SNTG1: variants seen among roughly 807,000 people sequenced by gnomAD.
The protein encoded by SNTG1 is syntrophin gamma 1.
In SNTG1, 39 loss-of-function variants were observed where a neutral mutation model predicts 74.7. That is an observed-to-expected ratio of 0.52 (90% CI 0.40 to 0.68). The LOEUF is 0.68. Ranked by LOEUF, SNTG1 falls within the 30% of genes least tolerant of loss-of-function variation. The pLI is 0.00. For synonymous variants in SNTG1, 254 were observed against 217.1 expected (o/e 1.17, Z -1.49); for missense variants, 685 against 609.5 (o/e 1.12, Z -1.30).
chr8:50,545,389 C>T (rs888444704), intron 11 of SNTG1, among the ~76,000 whole-genome samples: 11 of 150,644 alleles, frequency 7.3e-5, no homozygotes, highest in Non-Finnish European at 1.5e-5. Flanking sequence ...TTAAAATTGG[C>T]TGGTCTTTTA....
intron 2 of SNTG1, among the ~76,000 whole-genome samples, chr8:50,386,163 T>C (rs1434708290): frequency 6.6e-6 from 1 of 152,122 alleles, no homozygotes; most frequent in Non-Finnish European, 1.5e-5. Flanking sequence ...TCAATTCTAA[T>C]TACACACTCA....
rs145685246 is a variant in SNTG1, at chr8:50,450,716, G to T, written c.350G>T (p.Arg117Ile). The change falls in exon 8 of 19, where the codon AGA becomes ATA. Residue 117 changes from arginine to isoleucine, a missense_variant. Coordinates refer to ENST00000642720, the MANE Select transcript of SNTG1 (RefSeq NM_018967.5). ...QINGINVRKCRHEEVVQVLRN... is the reference protein window; with the variant it reads ...QINGINVRKCIHEEVVQVLRN... ...AATGGCATTAATGTGAGAAAATGTA[G>T]ACATGAAGAAGTGGTGAGTTTACTT... 6.2e-7 allele frequency: 1 copy of T among 1,613,114 alleles called. No homozygotes were observed. The highest frequency in any genetic ancestry group is 1.1e-5 in the South Asian group (1 of 91,012).
intron 2 of SNTG1, among the ~76,000 whole-genome samples, chr8:50,373,723 T>C (rs967783337): frequency 6.6e-6 from 1 of 152,220 alleles, no homozygotes; most frequent in Non-Finnish European, 1.5e-5. Flanking sequence ...TCAATATACT[T>C]GCAGCTAAAT....
At chr8:50,007,261 A>G (rs925115063) in intron 1 of SNTG1, among the ~76,000 whole-genome samples, 2 of 152,054 alleles carry the variant, frequency 1.3e-5, no homozygotes, top group African/African-American at 4.8e-5. Context: ...GGATAATATG[A>G]CATCCTACTT....
Position 50,667,173 on chromosome 8 carries a change from G to C in SNTG1, c.1038+8510G>C, listed in dbSNP as rs931092648. On this transcript the variant is annotated intron_variant, in intron 15 of 18. Transcript: ENST00000642720. ...ATATCATTATTAGGCAAATGCTAAA[G>C]GTTTGGGAGAGACCAAAATATTTCC... Among the ~76,000 whole-genome samples, 13 of 152,112 alleles carry C rather than the reference G, an allele frequency of 8.5e-5. No homozygotes were observed. The East Asian group carries it at 2.5e-3, about 29-fold the overall frequency.
intron 1 of SNTG1, among the ~76,000 whole-genome samples, chr8:50,011,212 T>C (rs891365002): frequency 7.2e-5 from 11 of 152,140 alleles, no homozygotes; most frequent in African/African-American, 1.9e-4. Context: ...TTATTCTGAA[T>C]TTCAGCTCTG....
intron 2 of SNTG1, among the ~76,000 whole-genome samples, chr8:50,251,297 C>T (rs1401712175): frequency 6.6e-6 from 1 of 151,720 alleles, no homozygotes; most frequent in Non-Finnish European, 1.5e-5. Flanking sequence ...GAGAGGTAAA[C>T]AACGAGAGAA....
intron 15 of SNTG1, among the ~76,000 whole-genome samples, chr8:50,684,087 G>T (rs2095342072): frequency 6.6e-6 from 1 of 152,246 alleles, no homozygotes; most frequent in African/African-American, 2.4e-5. Context: ...GTGTGGGTTT[G>T]TTTGAATTAT....
At chr8:50,338,985 A>T (rs1029037462) in intron 2 of SNTG1, among the ~76,000 whole-genome samples, 1 of 152,106 alleles carries the variant, frequency 6.6e-6, no homozygotes, top group Non-Finnish European at 1.5e-5. Context: ...ACAACACAAA[A>T]TACTATGCCT....
chr8:50,110,871 T>A (rs2131300412), intron 1 of SNTG1, among the ~76,000 whole-genome samples: 1 of 152,284 alleles, frequency 6.6e-6, no homozygotes, highest in South Asian at 2.1e-4. Flanking sequence ...GTTGCCATAT[T>A]TAGCATATAA....
intron 9 of SNTG1, among the ~76,000 whole-genome samples, chr8:50,512,769 G>A (rs959066294): frequency 3.3e-5 from 5 of 152,050 alleles, no homozygotes; most frequent in African/African-American, 1.2e-4. Context: ...AGATCCATCA[G>A]GTCCTTTAAG....
At chr8:49,941,973 G>T (rs1808732617) in intron 1 of SNTG1, among the ~76,000 whole-genome samples, 7 of 152,150 alleles carry the variant, frequency 4.6e-5, no homozygotes, top group Admixed American at 4.6e-4. Context: ...TCATATGTTT[G>T]ACATGAAAAG....
intron 8 of SNTG1, among the ~76,000 whole-genome samples, chr8:50,500,998 G>A (rs908599483): frequency 3.3e-5 from 5 of 152,060 alleles, no homozygotes; most frequent in Non-Finnish European, 7.4e-5. Flanking sequence ...TCCCTCACTG[G>A]GCACGTATGA....
intron 2 of SNTG1, among the ~76,000 whole-genome samples, chr8:50,308,700 T>C (rs766750628): frequency 1.2e-4 from 19 of 152,182 alleles, no homozygotes; most frequent in Non-Finnish European, 2.4e-4. Context: ...ATGTCATACC[T>C]ACTCATTTAT....
chr8:50,028,503 T>C lies in SNTG1; in HGVS notation c.-103+116272T>C, dbSNP rs182501741. On this transcript the variant is annotated intron_variant, in intron 1 of 18. Transcript: ENST00000642720. ...GTGCCATTGCTAGGTGATATGGCCG[T>C]TGCAGGTGTATCTTTAAAAAAAAAC... Among the ~76,000 whole-genome samples, 1,262 of 151,990 alleles carry C rather than the reference T, an allele frequency of 8.3e-3. 28 individuals carry two copies. Among genetic ancestry groups the C allele is most frequent in the African/African-American group, 0.029 (1,201 of 41,460 alleles).
chr8:50,630,659 G>T (rs1198838602), intron 13 of SNTG1, among the ~76,000 whole-genome samples: 1 of 152,148 alleles, frequency 6.6e-6, no homozygotes, highest in Non-Finnish European at 1.5e-5. Context: ...TAATCTCAAT[G>T]TCAGTCACCT....
chr8:50,015,340 G>A (rs753709353), intron 1 of SNTG1, among the ~76,000 whole-genome samples: 12 of 151,924 alleles, frequency 7.9e-5, no homozygotes, highest in Non-Finnish European at 1.5e-4. Flanking sequence ...TAGAGATTAT[G>A]TAGTTTCAGA....
chr8:49,968,773 C>G (rs981980924), intron 1 of SNTG1, among the ~76,000 whole-genome samples: 1 of 152,096 alleles, frequency 6.6e-6, no homozygotes, highest in Non-Finnish European at 1.5e-5. Flanking sequence ...CCATTTATCT[C>G]CTGCAATCCA....
chr8:50,699,106 G>T (rs890684488), intron 15 of SNTG1, among the ~76,000 whole-genome samples: 2 of 151,902 alleles, frequency 1.3e-5, no homozygotes, highest in African/African-American at 4.8e-5. Flanking sequence ...AACATGCCTG[G>T]GAAAAAGAAA....
Sources: allele counts gnomAD v4.1 joint callset (sites outside exome capture counted in the v4.1 genomes callset), GRCh38; gene constraint gnomAD v4.1.1; transcripts MANE v1.5; gene names NCBI Gene and HGNC (gene_info 2026-07-23, HGNC 2026-07-21).